Variants in MAP3K13 observed in about 807,000 individuals in gnomAD.
MAP3K13 encodes leucine zipper-bearing kinase.
In MAP3K13, 52 loss-of-function variants were observed where a neutral mutation model predicts 104.0. The ratio of observed to expected loss-of-function variants is 0.50; its 90% CI spans 0.40 to 0.63. The LOEUF (loss-of-function observed/expected upper bound fraction) is 0.63, where lower values mean the gene tolerates loss of function less well. Among genes scored for constraint, MAP3K13 ranks in the 20% least tolerant of loss-of-function variants. The pLI is 0.00. For synonymous variants in MAP3K13, 394 were observed against 442.2 expected (o/e 0.89, Z 1.37); for missense variants, 914 against 1,218.5 (o/e 0.75, Z 3.72).
intron 2 of MAP3K13, among the ~76,000 whole-genome samples, chr3:185,304,846 A>G (rs2108681998): frequency 6.6e-6 from 1 of 152,186 alleles, no homozygotes; most frequent in East Asian, 1.9e-4. Context: ...GTTGGCCAAG[A>G]TGGTCTCAAT....
intron 2 of MAP3K13, among the ~76,000 whole-genome samples, chr3:185,332,179 A>C (rs1298753364): frequency 6.6e-6 from 1 of 152,164 alleles, no homozygotes; most frequent in Non-Finnish European, 1.5e-5. Flanking sequence ...AAAAGGTATC[A>C]TAAATATTGC....
At chr3:185,437,959 G>T (rs1334925128) in intron 3 of MAP3K13, among the ~76,000 whole-genome samples, 2 of 152,052 alleles carry the variant, frequency 1.3e-5, no homozygotes, top group Non-Finnish European at 2.9e-5. Context: ...GATAACAGAG[G>T]TTACTTCAAT....
At chr3:185,416,091 A>G (rs896543253) in intron 1 of MAP3K13, among the ~76,000 whole-genome samples, 1 of 152,048 alleles carries the variant, frequency 6.6e-6, no homozygotes, top group African/African-American at 2.4e-5. Flanking sequence ...TCTTGCTTTC[A>G]CCCTTTTGAT....
In MAP3K13 at chr3:185,344,886, TA is replaced by T. The variant is rs200348868; in HGVS notation, c.-86+59244del. ...CTTCATTTCTACTAATCTCATAATTTATTTTTTTTTTTTGAGACAGAGTCTC... is the reference window on the plus strand; with the variant it reads ...CTTCATTTCTACTAATCTCATAATTTTTTTTTTTTTTTGAGACAGAGTCTC... On this transcript the variant is annotated intron_variant, in intron 2 of 14. Transcript: ENST00000424227. Among the ~76,000 whole-genome samples the T allele has an allele frequency of 5.4e-3, 814 of 151,304 alleles. 12 individuals carry two copies. The highest frequency in any genetic ancestry group is 0.018 in the African/African-American group (729 of 40,856).
At chr3:185,310,502 A>T (rs1016737686) in intron 2 of MAP3K13, among the ~76,000 whole-genome samples, 1 of 152,240 alleles carries the variant, frequency 6.6e-6, no homozygotes, top group African/African-American at 2.4e-5. Flanking sequence ...TAGAAAAAGT[A>T]GGCCTCATGC....
intron 1 of MAP3K13, among the ~76,000 whole-genome samples, chr3:185,402,009 G>A (rs1712842399): frequency 6.6e-6 from 1 of 152,198 alleles, no homozygotes; most frequent in African/African-American, 2.4e-5. Flanking sequence ...GATAAATGAT[G>A]CTCAAGGAAG....
At chr3:185,453,798 G>GAT (rs1214609364) in intron 7 of MAP3K13, among the ~76,000 whole-genome samples, 3 of 53,354 alleles carry the variant, frequency 5.6e-5, no homozygotes, top group Non-Finnish European at 8.6e-5. Flanking sequence ...ATATATATGA[G>GAT]ATATATATAT....
rs548813356 is a variant in MAP3K13 at position 185,330,046 on chromosome 3, A to ATTTTT, written c.-86+44435_-86+44439dup. Among the ~76,000 whole-genome samples the ATTTTT allele has an allele frequency of 2.3e-4, 23 of 98,274 alleles. 1 individual carries two copies. Among genetic ancestry groups the ATTTTT allele is most frequent in the East Asian group, 9.3e-4 (3 of 3,230 alleles). 64.5% of individuals were successfully genotyped at this position (98,274 alleles called of 152,430 possible). ...AGGCGCCCGCCACCATGCCTGGCTA[A>ATTTTT]TTTTTTTTTTTTTTTTTTTTTTTTT... On this transcript the variant is annotated intron_variant, in intron 2 of 14. Transcript: ENST00000424227.
intron 1 of MAP3K13, among the ~76,000 whole-genome samples, chr3:185,377,196 G>A (rs1262394267): frequency 2.0e-5 from 3 of 152,306 alleles, no homozygotes; most frequent in East Asian, 3.9e-4. Context: ...TGGGGGAACT[G>A]TAAGAAGAGT....
chr3:185,386,599 G>A (rs769301742), intron 1 of MAP3K13, among the ~76,000 whole-genome samples: 11 of 152,130 alleles, frequency 7.2e-5, no homozygotes, highest in Admixed American at 1.3e-4. Context: ...ACACATGCAC[G>A]CGTATGTTCA....
chr3:185,410,512 CA>C (rs894702189), intron 1 of MAP3K13, among the ~76,000 whole-genome samples: 3 of 151,934 alleles, frequency 2.0e-5, no homozygotes, highest in Non-Finnish European at 4.4e-5. Context: ...GTTCCCAACA[CA>C]AAAAAAGATA....
At chr3:185,390,613 C>T (rs1711983516) in intron 1 of MAP3K13, among the ~76,000 whole-genome samples, 1 of 149,606 alleles carries the variant, frequency 6.7e-6, no homozygotes, top group Non-Finnish European at 1.5e-5. Flanking sequence ...AATCACTTTA[C>T]AGTCAGAATT....
chr3:185,354,828 C>A (rs1723285820), intron 2 of MAP3K13, among the ~76,000 whole-genome samples: 1 of 152,136 alleles, frequency 6.6e-6, no homozygotes, highest in African/African-American at 2.4e-5. Context: ...GCTTTTTAAT[C>A]TTTGCATTGC....
At chr3:185,383,585 G>A (rs1362205784) in intron 1 of MAP3K13, among the ~76,000 whole-genome samples, 1 of 149,108 alleles carries the variant, frequency 6.7e-6, no homozygotes, top group Non-Finnish European at 1.5e-5. Context: ...AAAAAGCCTG[G>A]TACCTTCCAC....
At position 185,378,026 on chromosome 3, in the gene MAP3K13, A is replaced by G. The variant is rs911413281; in HGVS notation, c.-86+14658A>G. Among the ~76,000 whole-genome samples the G allele has an allele frequency of 8.6e-5, 13 of 151,760 alleles. 1 individual carries two copies. The highest frequency in any genetic ancestry group is 2.4e-4 in the African/African-American group (10 of 41,374). ...TGGGGTGGGGGGAGGTTCTGGAGGAACCCCTGGCAGCTGCGGTTCAGGTGT... is the reference window on the plus strand; with the variant it reads ...TGGGGTGGGGGGAGGTTCTGGAGGAGCCCCTGGCAGCTGCGGTTCAGGTGT... On this transcript the variant is annotated intron_variant, in intron 1 of 13. Coordinates refer to ENST00000265026, the MANE Select transcript of MAP3K13 (RefSeq NM_004721.5).
chr3:185,481,599 C>T (rs1244034289), intron 13 of MAP3K13, among the ~76,000 whole-genome samples: 1 of 152,184 alleles, frequency 6.6e-6, no homozygotes, highest in Non-Finnish European at 1.5e-5. Flanking sequence ...TTCAGGACTG[C>T]CTTTGGAGAG....
At chr3:185,284,051 A>G (rs1256150488) in intron 1 of MAP3K13, among the ~76,000 whole-genome samples, 1 of 151,456 alleles carries the variant, frequency 6.6e-6, no homozygotes, top group Non-Finnish European at 1.5e-5. Flanking sequence ...GGCACGCGCC[A>G]CCACCCCCAG....
chr3:185,404,288 G>A (rs369795642), intron 1 of MAP3K13, among the ~76,000 whole-genome samples: 236 of 152,336 alleles, frequency 1.5e-3, no homozygotes, highest in Non-Finnish European at 2.9e-3. Flanking sequence ...TTTTCAGTAA[G>A]CAGAAAATAG....
At position 185,418,908 on chromosome 3, in the gene MAP3K13, A is replaced by C; in HGVS notation, c.-85-9589A>C. ...GATCATTCTGCCTTTTCTAGAATCAAATGTGAATCTCATTAGTAGAAAAGG... is the reference window on the plus strand; with the variant it reads ...GATCATTCTGCCTTTTCTAGAATCACATGTGAATCTCATTAGTAGAAAAGG... On this transcript the variant is annotated intron_variant, in intron 1 of 13. Coordinates refer to ENST00000265026, the MANE Select transcript of MAP3K13 (RefSeq NM_004721.5). The surrounding 1 kb of genome is among the most constrained non-coding windows in gnomAD (Gnocchi z 4.5). 2 of 998,942 alleles carry C rather than the reference A, an allele frequency of 2.0e-6. No individual in the cohort carries two copies. The highest frequency in any genetic ancestry group is 2.9e-6 in the Non-Finnish European group (2 of 697,700). 61.9% of individuals were successfully genotyped at this position (998,942 alleles called of 1,614,324 possible).
Sources: allele counts gnomAD v4.1 joint callset (sites outside exome capture counted in the v4.1 genomes callset), GRCh38; gene constraint gnomAD v4.1.1; non-coding constraint Gnocchi (gnomAD v3.1); transcripts MANE v1.5; gene names NCBI Gene and HGNC (gene_info 2026-07-23, HGNC 2026-07-21).